AGO3: variants seen among roughly 807,000 people sequenced by gnomAD.
The protein encoded by AGO3 is protein argonaute-3.
A neutral mutation model predicts 105.5 loss-of-function variants in AGO3; 16 were observed. That is an observed-to-expected ratio of 0.15 (90% CI 0.10 to 0.23). AGO3 has a LOEUF of 0.23. AGO3 is among the 10% of genes least tolerant of loss of function. The probability of loss-of-function intolerance (pLI) is 1.00; values close to 1 mark genes in which losing one functional copy is unlikely to be tolerated. For missense variants in AGO3, 534 were observed against 1,088.0 expected (o/e 0.49, Z 7.16); for synonymous variants, 340 against 367.3 (o/e 0.93, Z 0.85).
rs559033426 is a variant in AGO3 at position 35,942,144 on chromosome 1, T to A, written c.20-3548T>A. Among the ~76,000 whole-genome samples, 620 of 152,278 alleles carry A rather than the reference T, an allele frequency of 4.1e-3. 6 individuals are homozygous for A. The highest frequency in any genetic ancestry group is 6.8e-3 in the South Asian group (33 of 4,824). The stretch of plus-strand genomic sequence containing the variant: ...AGATTATGCCCTCTGAAGAGATTTT[T>A]AAAAAAACACAAAGCGGAATTTAAA... On this transcript the variant is annotated intron_variant, in intron 1 of 18. Transcript: ENST00000373191.
intron 1 of AGO3, among the ~76,000 whole-genome samples, chr1:35,942,652 T>C (rs919075039): frequency 6.6e-6 from 1 of 152,196 alleles, no homozygotes; most frequent in African/African-American, 2.4e-5. Context: ...TGAATTTTGA[T>C]TAACAAAGCT....
chr1:35,979,140 G>A (rs549220911), intron 5 of AGO3, among the ~76,000 whole-genome samples: 113 of 152,200 alleles, frequency 7.4e-4, no homozygotes, highest in African/African-American at 2.6e-3. Flanking sequence ...CGAGGCGGGC[G>A]GATCACGAGG....
At chr1:36,020,711 G>A (rs1215750448) in intron 11 of AGO3, among the ~76,000 whole-genome samples, 1 of 152,030 alleles carries the variant, frequency 6.6e-6, no homozygotes, top group Non-Finnish European at 1.5e-5. Flanking sequence ...CTCCTTCCTG[G>A]TTGAAACTAT....
chr1:35,985,102 T>G (rs1009190097), intron 5 of AGO3, among the ~76,000 whole-genome samples: 3 of 151,714 alleles, frequency 2.0e-5, no homozygotes, highest in Admixed American at 2.0e-4. Flanking sequence ...ACCAACATGG[T>G]GAAACCCTAT....
chr1:35,997,536 C>T (rs958583915), intron 5 of AGO3, among the ~76,000 whole-genome samples: 3 of 152,098 alleles, frequency 2.0e-5, no homozygotes, highest in African/African-American at 7.2e-5. Context: ...TTTGTCCAAC[C>T]GTAGGCTCAT....
At position 36,034,289 on chromosome 1, in the gene AGO3, T is replaced by C. The variant is rs913262161; in HGVS notation, c.1707T>C (p.Asn569=). Residue 569 remains asparagine, a synonymous_variant, in exon 13 of 19, where the codon AAT becomes AAC. Transcript: ENST00000373191. ...TGTCAAACTTGTGCCTAAAGATAAA[T>C]GTTAAACTCGGAGGGATCAATAATA... is the stretch of plus-strand genomic sequence containing the variant. The part of the protein sequence containing the change: ...QTLSNLCLKI[N]VKLGGINNIL... 1.2e-6 allele frequency: 2 copies of C among 1,611,370 alleles called. No homozygotes were observed. Among genetic ancestry groups the C allele is most frequent in the South Asian group, 1.1e-5 (1 of 90,478 alleles).
At chr1:36,000,486 A>T (rs1209800428) in intron 5 of AGO3, among the ~76,000 whole-genome samples, 5 of 152,210 alleles carry the variant, frequency 3.3e-5, no homozygotes, top group African/African-American at 4.8e-5. Context: ...TTTGTTTAGT[A>T]GTTACAAGTA....
intron 1 of AGO3, among the ~76,000 whole-genome samples, chr1:35,936,155 C>T (rs190550706): frequency 4.1e-4 from 63 of 151,972 alleles, no homozygotes; most frequent in South Asian, 3.9e-3. Context: ...AATGGTTATG[C>T]TGTTAGGATA....
rs1427808139 is a variant in AGO3 at position 36,055,499 on chromosome 1, G to C, written c.2475-138G>C. 2.5e-6 allele frequency: 2 copies of C among 807,394 alleles called. No individual in the cohort carries two copies. The highest frequency in any genetic ancestry group is 1.7e-5 in the South Asian group (1 of 57,592). 50.0% of individuals were successfully genotyped at this position (807,394 alleles called of 1,614,324 possible). ...TTGAGTTAATAGTGATTGAAGCTGA[G>C]TGATGGACACATAGATTGTTACACC... On this transcript the variant is annotated intron_variant, in intron 18 of 18. Coordinates refer to ENST00000373191, the MANE Select transcript of AGO3 (RefSeq NM_024852.4). This position sits in a 1 kb window ranked among gnomAD's most constrained non-coding sequence, Gnocchi z 4.4.
chr1:36,020,268 G>A (rs1641147842), intron 11 of AGO3, among the ~76,000 whole-genome samples: 2 of 152,220 alleles, frequency 1.3e-5, no homozygotes, highest in Admixed American at 6.5e-5. Flanking sequence ...TTTATTAGAT[G>A]GGTTATCATA....
intron 2 of AGO3, among the ~76,000 whole-genome samples, chr1:35,955,207 A>G (rs1222659669): frequency 6.6e-6 from 1 of 152,214 alleles, no homozygotes; most frequent in East Asian, 1.9e-4. Flanking sequence ...ACTTGATGAC[A>G]GTGTGGTGAA....
chr1:36,038,997 TTTTCTTA>T (rs1325470026), intron 14 of AGO3, among the ~76,000 whole-genome samples: 1 of 152,206 alleles, frequency 6.6e-6, no homozygotes, highest in African/African-American at 2.4e-5. Context: ...GGTCCTTGTT[TTTTCTTA>T]TTTCTTTTCT....
chr1:35,931,687 T>C (rs1437860606), intron 1 of AGO3, among the ~76,000 whole-genome samples: 1 of 152,244 alleles, frequency 6.6e-6, no homozygotes, highest in Non-Finnish European at 1.5e-5. Flanking sequence ...TTTGGGGTTA[T>C]CTAGGCGGCA....
chr1:36,043,267 A>G, intron 16 of AGO3, 180 bp from the exon 17 acceptor site: 1 of 576,324 alleles, frequency 1.7e-6, no homozygotes, highest in Non-Finnish European at 3.1e-6. Context: ...ACTTTCAGCA[A>G]CATGTAAGAA....
At chr1:35,932,420 A>G (rs1029824037) in intron 1 of AGO3, among the ~76,000 whole-genome samples, 3 of 152,200 alleles carry the variant, frequency 2.0e-5, no homozygotes, top group Admixed American at 1.3e-4. Context: ...CTTTTTGCCA[A>G]TTTGATATAA....
intron 5 of AGO3, among the ~76,000 whole-genome samples, chr1:35,998,536 C>T (rs150212204): frequency 9.5e-4 from 145 of 152,244 alleles, no homozygotes; most frequent in African/African-American, 3.2e-3. Flanking sequence ...TGAGAGCTTT[C>T]ATTCTTCCAT....
intron 11 of AGO3, among the ~76,000 whole-genome samples, chr1:36,023,894 C>G (rs989843308): frequency 6.6e-6 from 1 of 152,134 alleles, no homozygotes; most frequent in Non-Finnish European, 1.5e-5. Flanking sequence ...CTTTTTCTCT[C>G]TTCTTCAGAT....
chr1:35,949,670 G>A (rs892797381), intron 2 of AGO3, among the ~76,000 whole-genome samples: 48 of 152,162 alleles, frequency 3.2e-4, no homozygotes, highest in Admixed American at 3.1e-3. Flanking sequence ...CCCAGGCTCT[G>A]GAATGCAGTG....
rs1157497534 is a variant in AGO3, at chr1:35,931,271, T to G, written c.-156T>G. ...TCCGCGACTCTTCCGGCCCAGAGCT[T>G]TCGGAGTGCGGTTGCTCAGGGGAAG... On this transcript the variant is annotated 5_prime_UTR_variant, in exon 1 of 19. Transcript: ENST00000373191. 5.6e-6 allele frequency: 3 copies of G among 536,890 alleles called. No homozygotes were observed. In the African/African-American group the frequency reaches 6.0e-5, roughly 11 times the overall value. 33.3% of individuals were successfully genotyped at this position (536,890 alleles called of 1,614,324 possible). A position where few individuals can be genotyped will look rare whatever the true frequency, so the allele number is the denominator to read the frequency against.
Sources: gnomAD v4.1 joint callset for allele counts (sites outside exome capture counted in the v4.1 genomes callset) on GRCh38, gnomAD v4.1.1 for gene constraint, Gnocchi (gnomAD v3.1) non-coding constraint, MANE v1.5 for transcripts, NCBI Gene and HGNC (gene_info 2026-07-23, HGNC 2026-07-21) for gene names.